SMO: variants seen among roughly 807,000 people sequenced by gnomAD.
SMO encodes the protein smoothened, frizzled class receptor.
SMO carries 40 observed loss-of-function variants against 81.6 expected under a neutral mutation model. That is an observed-to-expected ratio of 0.49 (90% CI 0.38 to 0.64). The LOEUF is 0.64. Ranked by LOEUF, SMO falls within the 30% of genes least tolerant of loss-of-function variation. The pLI, the probability that SMO is intolerant of heterozygous loss-of-function variation, is 0.00. For synonymous variants in SMO, 434 were observed against 432.1 expected (o/e 1.00, Z -0.05); for missense variants, 916 against 1,061.1 (o/e 0.86, Z 1.90).
intron 1 of SMO, among the ~76,000 whole-genome samples, chr7:129,191,454 T>C (rs1793480575): frequency 6.6e-6 from 1 of 152,218 alleles, no homozygotes; most frequent in South Asian, 2.1e-4. Flanking sequence ...CTATGAGTTC[T>C]TCTCTGCCAC....
rs1162879613 is a variant in SMO, at chr7:129,211,850, T to G, written c.1936+80T>G. The G allele has an allele frequency of 6.4e-7, 1 of 1,565,528 alleles. No homozygotes were observed. The highest frequency in any genetic ancestry group is 1.7e-5 in the Admixed American group (1 of 59,640). On this transcript the variant is annotated intron_variant, in intron 11 of 11. Coordinates refer to ENST00000249373, the MANE Select transcript of SMO (RefSeq NM_005631.5). The surrounding 1 kb of genome is among the most constrained non-coding windows in gnomAD (Gnocchi z 4.6). ...TTCTGGGACTGGAGTACAGGGGCTG[T>G]CGGAGGAGGAGGAAGAGGAAGGAAA...
At position 129,208,923 on chromosome 7, in the gene SMO, AC is replaced by A; in HGVS notation, c.1357+74del. ...CACTGCACCCTCCTGGGGCTATGCG[AC>A]CGGCAGGATGCAGTAAGTCAGTGGG... On this transcript the variant is annotated intron_variant, in intron 7 of 11. Transcript: ENST00000249373. The surrounding 1 kb of genome is among the most constrained non-coding windows in gnomAD (Gnocchi z 5.2). 9.6e-7 allele frequency: 1 copy of A among 1,043,372 alleles called. No homozygotes were observed. Among genetic ancestry groups the A allele is most frequent in the African/African-American group, 1.6e-5 (1 of 63,870 alleles). 64.6% of individuals were successfully genotyped at this position (1,043,372 alleles called of 1,614,324 possible). A position where few individuals can be genotyped will look rare whatever the true frequency, so the allele number is the denominator to read the frequency against.
Position 129,211,754 on chromosome 7 carries a change from C to T in SMO, c.1920C>T (p.Thr640=), listed in dbSNP as rs199757776. 78 of 1,613,972 alleles carry T rather than the reference C, an allele frequency of 4.8e-5. No homozygotes were observed. The highest frequency in any genetic ancestry group is 5.0e-5 in the Admixed American group (3 of 59,996). ...GAILPQDISV[T]PVATPVPPEE... ...TACTGCCCCAGGATATTTCTGTCAC[C>T]CCTGTGGCAACTCCAGGTATGAGAG... The change falls in exon 11 of 12, where the codon ACC becomes ACT. Residue 640 remains threonine (T), a synonymous_variant. Coordinates refer to ENST00000249373, the MANE Select transcript of SMO (RefSeq NM_005631.5). This position sits in a 1 kb window ranked among gnomAD's most constrained non-coding sequence, Gnocchi z 4.6.
rs1793773370 is a variant in SMO, at chr7:129,206,780, G to T, written c.1264+193G>T. ...GCACTTGCTGCGGGACAGCACCTTT[G>T]TACTGGCCAGAAAAATCCATCCCTC... On this transcript the variant is annotated intron_variant, in intron 6 of 11. Coordinates refer to ENST00000249373, the MANE Select transcript of SMO (RefSeq NM_005631.5). The surrounding 1 kb of genome is among the most constrained non-coding windows in gnomAD (Gnocchi z 4.4). 6.6e-6 allele frequency among the ~76,000 whole-genome samples: 1 copy of T among 152,186 alleles called. No homozygotes were observed. The highest frequency in any genetic ancestry group is 1.5e-5 in the Non-Finnish European group (1 of 68,040).
chr7:129,197,027 A>AT (rs1194274478), intron 1 of SMO, among the ~76,000 whole-genome samples: 10 of 151,560 alleles, frequency 6.6e-5, no homozygotes, highest in African/African-American at 2.2e-4. Flanking sequence ...AAAAAAAAAA[A>AT]AAAAAAAGAA....
chr7:129,209,411 A>C lies in SMO; in HGVS notation c.1466+14A>C. The C allele has an allele frequency of 6.4e-7, 1 of 1,566,330 alleles. No individual in the cohort carries two copies. Among genetic ancestry groups the C allele is most frequent in the African/African-American group, 1.3e-5 (1 of 74,110 alleles). Reference sequence around the variant, plus strand: ...GGACTATGTGCTGTGAGTGAGGGGCATGGAGGCGGCAGTGCTGGGAGCTGG... The same window carrying C: ...GGACTATGTGCTGTGAGTGAGGGGCCTGGAGGCGGCAGTGCTGGGAGCTGG... On this transcript the variant is annotated intron_variant, in intron 8 of 11. Transcript: ENST00000249373.
Position 129,195,507 on chromosome 7 carries a change from T to A in SMO, c.331+6025T>A, listed in dbSNP as rs185206806. On this transcript the variant is annotated intron_variant, in intron 1 of 11. Coordinates refer to ENST00000249373, the MANE Select transcript of SMO (RefSeq NM_005631.5). Reference sequence around the variant, plus strand: ...TGCTTTTGGGAAGTGTCTGTTCAAATCTTTGACATATTTTTCCATAGGGGC... The same window carrying A: ...TGCTTTTGGGAAGTGTCTGTTCAAAACTTTGACATATTTTTCCATAGGGGC... Among the ~76,000 whole-genome samples, 214 of 152,320 alleles carry A rather than the reference T, an allele frequency of 1.4e-3. 1 individual carries two copies. The highest frequency in any genetic ancestry group is 4.9e-3 in the African/African-American group (203 of 41,570).
rs2150656245 is a variant in SMO, at chr7:129,212,021, C to T, written c.1937-3C>T. ...AGGCTCGTGTTGTCTCTCCTCCTGT[C>T]AGTGCCCCCAGAGGAACAAGCCAAC... On this transcript the variant is annotated splice_polypyrimidine_tract_variant and splice_region_variant and intron_variant, in intron 11 of 11. Transcript: ENST00000249373. This position sits in a 1 kb window ranked among gnomAD's most constrained non-coding sequence, Gnocchi z 5.0. 6.3e-7 allele frequency: 1 copy of T among 1,579,840 alleles called. No individual in the cohort carries two copies. The highest frequency in any genetic ancestry group is 1.3e-5 in the African/African-American group (1 of 74,512).
rs1029412439 is a variant in SMO, at chr7:129,208,797, G to A, written c.1303G>A (p.Gly435Arg). 6 of 1,613,830 alleles carry A rather than the reference G, an allele frequency of 3.7e-6. No homozygotes were observed. Among genetic ancestry groups the A allele is most frequent in the South Asian group, 2.2e-5 (2 of 91,066 alleles). Residue 435 changes from glycine (G) to arginine (R), a missense_variant, in exon 7 of 12, where the codon GGG (glycine) becomes AGG (arginine). By Grantham distance (125) the Gly-to-Arg change is moderately radical. Coordinates refer to ENST00000249373, the MANE Select transcript of SMO (RefSeq NM_005631.5). The surrounding 1 kb of genome is among the most constrained non-coding windows in gnomAD (Gnocchi z 5.2). ...TLFSIKSNHPGLLSEKAASKI... is the reference protein window; with the variant it reads ...TLFSIKSNHPRLLSEKAASKI... ...GTTCTCCATCAAGAGCAACCACCCC[G>A]GGCTGCTGAGTGAGAAGGCTGCCAG...
chr7:129,197,386 A>G lies in SMO; in HGVS notation c.332-5998A>G, dbSNP rs139094757. 3.4e-3 allele frequency among the ~76,000 whole-genome samples: 519 copies of G among 152,278 alleles called. 4 individuals are homozygous for G. Among genetic ancestry groups the G allele is most frequent in the African/African-American group, 0.012 (486 of 41,576 alleles). On this transcript the variant is annotated intron_variant, in intron 1 of 11. Transcript: ENST00000249373. ...GATTAAGAACGTTGTCTCTTATTTC[A>G]AATTTGCCAATTATTCTTTTGATCA...
At chr7:129,209,656 C>CGACCACCG in intron 8 of SMO, 1 of 442,276 alleles carries the variant, frequency 2.3e-6, no homozygotes, top group Non-Finnish European at 4.1e-6. Context: ...GACTGTTAAG[C>CGACCACCG]AGCCAGTTCA....
Position 129,210,279 on chromosome 7 carries a change from T to C in SMO, c.1467-84T>C. The C allele has an allele frequency of 8.3e-7, 1 of 1,204,184 alleles. No individual in the cohort carries two copies. The highest frequency in any genetic ancestry group is 1.2e-6 in the Non-Finnish European group (1 of 822,268). 74.6% of individuals were successfully genotyped at this position (1,204,184 alleles called of 1,614,324 possible). A position where few individuals can be genotyped will look rare whatever the true frequency, so the allele number is the denominator to read the frequency against. On this transcript the variant is annotated intron_variant, in intron 8 of 11. Coordinates refer to ENST00000249373, the MANE Select transcript of SMO (RefSeq NM_005631.5). The surrounding 1 kb of genome is among the most constrained non-coding windows in gnomAD (Gnocchi z 4.7). ...GTGATCACGCCACCGCACTCTAGCC[T>C]GGGTGACAGAGCAAGATCCTATCTC...
At position 129,213,108 on chromosome 7, in the gene SMO, C is replaced by G. The variant is rs548738516; in HGVS notation, c.*657C>G. 1 of 235,942 alleles carries G rather than the reference C, an allele frequency of 4.2e-6. No homozygotes were observed. The highest frequency in any genetic ancestry group is 1.8e-4 in the South Asian group (1 of 5,558). 14.6% of individuals were successfully genotyped at this position (235,942 alleles called of 1,614,324 possible). On this transcript the variant is annotated 3_prime_UTR_variant, in exon 12 of 12. Coordinates refer to ENST00000249373, the MANE Select transcript of SMO (RefSeq NM_005631.5). ...TCAGTTCAGTTTCAGCGGTGCCAAC[C>G]TCTTTGCGTTTCCTTTTTGTTGATG...
chr7:129,189,528 A>C lies in SMO; in HGVS notation c.331+46A>C, dbSNP rs1316323092. 6.5e-7 allele frequency: 1 copy of C among 1,528,036 alleles called. No individual in the cohort carries two copies. The highest frequency in any genetic ancestry group is 1.4e-5 in the African/African-American group (1 of 72,752). The allele number at this position is 1,528,036 out of a possible 1,614,324, so 94.7% of individuals were successfully genotyped here. ...TCTGGGGGGCGGGAGGTGCCGCGGTAAGATGGGGGCACCCTTGGAAAGAAC... is the reference window on the plus strand; with the variant it reads ...TCTGGGGGGCGGGAGGTGCCGCGGTCAGATGGGGGCACCCTTGGAAAGAAC... On this transcript the variant is annotated intron_variant, in intron 1 of 11. Transcript: ENST00000249373. The surrounding 1 kb of genome is among the most constrained non-coding windows in gnomAD (Gnocchi z 4.7).
intron 6 of SMO, among the ~76,000 whole-genome samples, chr7:129,207,266 G>A (rs1417447894): frequency 6.6e-6 from 1 of 152,146 alleles, no homozygotes; most frequent in East Asian, 1.9e-4. Context: ...AGGTCGTTTG[G>A]TTATCTGTGT....
In SMO at chr7:129,188,915, C is replaced by A; in HGVS notation, c.-237C>A. ...ATTGCGAGGCTAGGGCTTGGGGAGT[C>A]GTGCATCCCGTTCCGGGCCTCCGCA... On this transcript the variant is annotated 5_prime_UTR_variant, in exon 1 of 12. Coordinates refer to ENST00000249373, the MANE Select transcript of SMO (RefSeq NM_005631.5). The surrounding 1 kb of genome is among the most constrained non-coding windows in gnomAD (Gnocchi z 4.9). 1 of 335,006 alleles carries A rather than the reference C, an allele frequency of 3.0e-6. No individual in the cohort carries two copies. 20.8% of individuals were successfully genotyped at this position (335,006 alleles called of 1,614,324 possible).
At position 129,211,418 on chromosome 7, in the gene SMO, A is replaced by G. The variant is rs760542179; in HGVS notation, c.1802-218A>G. The G allele has an allele frequency of 3.1e-5, 22 of 716,216 alleles. No individual in the cohort carries two copies. The highest frequency in any genetic ancestry group is 3.5e-5 in the Non-Finnish European group (14 of 398,398). 44.4% of individuals were successfully genotyped at this position (716,216 alleles called of 1,614,324 possible). A position where few individuals can be genotyped will look rare whatever the true frequency, so the allele number is the denominator to read the frequency against. On this transcript the variant is annotated intron_variant, in intron 10 of 11. Coordinates refer to ENST00000249373, the MANE Select transcript of SMO (RefSeq NM_005631.5). This position sits in a 1 kb window ranked among gnomAD's most constrained non-coding sequence, Gnocchi z 4.6. Reference sequence around the variant, plus strand: ...TGGGCAAGAGTAAGTCAGGGTTCCAAGAACTGGATTTCTGGCCTCCAGTTA... The same window carrying G: ...TGGGCAAGAGTAAGTCAGGGTTCCAGGAACTGGATTTCTGGCCTCCAGTTA...
chr7:129,203,313 A>G, intron 1 of SMO, 71 bp from the exon 2 acceptor site: 1 of 1,186,408 alleles, frequency 8.4e-7, no homozygotes. Context: ...GGCCTGGAGG[A>G]CAGGGGTGAA....
Position 129,206,738 on chromosome 7 carries a change from C to T in SMO, c.1264+151C>T. ...ACACAGTAGAAGGTGACCCTCTAGG[C>T]AGACGAAACACCGTGAGCACTTGCT... is the stretch of plus-strand genomic sequence containing the variant. On this transcript the variant is annotated intron_variant, in intron 6 of 11. Transcript: ENST00000249373. The surrounding 1 kb of genome is among the most constrained non-coding windows in gnomAD (Gnocchi z 4.4). 1 of 765,018 alleles carries T rather than the reference C, an allele frequency of 1.3e-6. No homozygotes were observed. The highest frequency in any genetic ancestry group is 1.7e-5 in the South Asian group (1 of 57,860). The allele number at this position is 765,018 out of a possible 1,614,324, so 47.4% of individuals were successfully genotyped here. A position where few individuals can be genotyped will look rare whatever the true frequency, so the allele number is the denominator to read the frequency against.
Sources: gnomAD v4.1 joint callset for allele counts (sites outside exome capture counted in the v4.1 genomes callset) on GRCh38, gnomAD v4.1.1 for gene constraint, Gnocchi (gnomAD v3.1) non-coding constraint, MANE v1.5 for transcripts, NCBI Gene and HGNC (gene_info 2026-07-23, HGNC 2026-07-21) for gene names.